TMEM132B: variants seen among roughly 807,000 people sequenced by gnomAD.
TMEM132B encodes the protein transmembrane protein 132B.
TMEM132B carries 18 observed loss-of-function variants against 90.8 expected under a neutral mutation model. The observed-to-expected ratio is 0.20, with a 90% confidence interval of 0.14 to 0.29. The LOEUF (loss-of-function observed/expected upper bound fraction) is 0.29. TMEM132B is among the 10% of genes least tolerant of loss of function. TMEM132B has a pLI of 1.00. For missense variants in TMEM132B, 1,096 were observed against 1,326.8 expected (o/e 0.83, Z 2.70); for synonymous variants, 504 against 523.3 (o/e 0.96, Z 0.50).
rs3858693 is a variant in TMEM132B at position 125,377,487 on chromosome 12, G to A, written c.959+27144G>A. 8.1e-3 allele frequency among the ~76,000 whole-genome samples: 1,230 copies of A among 152,270 alleles called. 24 individuals carry two copies. The highest frequency in any genetic ancestry group is 0.028 in the African/African-American group (1,173 of 41,540). On this transcript the variant is annotated intron_variant, in intron 2 of 8. Transcript: ENST00000682704. The stretch of plus-strand genomic sequence containing the variant: ...ATCTTGGACACTTCTCATGCATGTC[G>A]TGTGCCTCAGTACCCCCTGCTATAA...
Position 125,644,174 on chromosome 12 carries a change from G to T in TMEM132B, c.1536G>T (p.Gln512His). ...TCACCCACCAGCACTTCACCTCCCA[G>T]TTCGAGGTCACTGTCTGGGCACCCA... ...VNFTHQHFTS[Q>H]FEVTVWAPRL... The change falls in exon 6 of 9, where the codon CAG (glutamine) becomes CAT (histidine). Residue 512 changes from glutamine (Q) to histidine (H), a missense_variant. By Grantham distance (24) the Gln-to-His change is conservative (BLOSUM62 0). Coordinates refer to ENST00000682704, the MANE Select transcript of TMEM132B (RefSeq NM_001366854.1). 6.2e-7 allele frequency: 1 copy of T among 1,614,220 alleles called. No individual in the cohort carries two copies. The highest frequency in any genetic ancestry group is 2.2e-5 in the East Asian group (1 of 44,876).
intron 2 of TMEM132B, 29 bp downstream of exon 2, chr12:125,350,372 C>T (rs1877528623): frequency 6.3e-7 from 1 of 1,576,098 alleles, no homozygotes; most frequent in East Asian, 2.2e-5. Flanking sequence ...TGGGATGGAA[C>T]AGAAGCCAAC....
At chr12:125,437,071 G>A (rs1984673) in intron 3 of TMEM132B, among the ~76,000 whole-genome samples, 82,456 of 152,008 alleles carry the variant, frequency 0.54, 24,051 homozygotes, top group African/African-American at 0.77. Flanking sequence ...ATTTGGCTAT[G>A]AGCTTCTACA....
chr12:125,306,405 C>G (rs1050954518), intron 1 of TMEM132B, among the ~76,000 whole-genome samples: 3 of 152,194 alleles, frequency 2.0e-5, no homozygotes, highest in African/African-American at 7.2e-5. Flanking sequence ...GTCTACATGA[C>G]ATCTCTACCT....
At chr12:125,188,239 A>G (rs1469931666) in intron 1 of TMEM132B, among the ~76,000 whole-genome samples, 1 of 152,188 alleles carries the variant, frequency 6.6e-6, no homozygotes, top group African/African-American at 2.4e-5. Flanking sequence ...CTTAACGTGG[A>G]TGAATCTTGC....
intron 2 of TMEM132B, among the ~76,000 whole-genome samples, chr12:125,374,432 G>GTT (rs11394719): frequency 0.049 from 7,360 of 151,096 alleles, 555 homozygotes; most frequent in African/African-American, 0.16. Flanking sequence ...CCACAAACAT[G>GTT]TTTTTTTTTG....
At chr12:125,618,386 A>G (rs1280209552) in intron 5 of TMEM132B, among the ~76,000 whole-genome samples, 2 of 152,308 alleles carry the variant, frequency 1.3e-5, no homozygotes, top group Admixed American at 6.5e-5. Flanking sequence ...ACATGGAGCT[A>G]GAGTGGAGAT....
intron 1 of TMEM132B, among the ~76,000 whole-genome samples, chr12:125,267,634 A>C (rs755527015): frequency 2.6e-5 from 4 of 152,124 alleles, no homozygotes; most frequent in Non-Finnish European, 5.9e-5. Context: ...AGGTAACTGA[A>C]ACTCGCACTC....
chr12:125,551,865 T>C (rs1884237591), intron 4 of TMEM132B, among the ~76,000 whole-genome samples: 1 of 152,168 alleles, frequency 6.6e-6, no homozygotes, highest in Admixed American at 6.5e-5. Flanking sequence ...TGGCACATTG[T>C]TTTCATGGTC....
intron 4 of TMEM132B, among the ~76,000 whole-genome samples, chr12:125,533,824 C>T (rs984661028): frequency 1.1e-4 from 17 of 152,240 alleles, no homozygotes; most frequent in African/African-American, 4.1e-4. Flanking sequence ...AGCCCGTGAC[C>T]CCTGGCACCT....
At chr12:125,230,745 C>T (rs990585826) in intron 1 of TMEM132B, among the ~76,000 whole-genome samples, 9 of 151,622 alleles carry the variant, frequency 5.9e-5, no homozygotes, top group Admixed American at 5.9e-4. Flanking sequence ...ACCTCATGAT[C>T]CGCCCGCCTC....
At chr12:125,197,715 T>C (rs1364657174) in intron 1 of TMEM132B, among the ~76,000 whole-genome samples, 1 of 152,246 alleles carries the variant, frequency 6.6e-6, no homozygotes, top group African/African-American at 2.4e-5. Flanking sequence ...GGGAATGCTC[T>C]GTGAATGTAT....
chr12:125,358,624 T>C (rs1181024208), intron 2 of TMEM132B, among the ~76,000 whole-genome samples: 1 of 152,174 alleles, frequency 6.6e-6, no homozygotes. Context: ...TTTCTCATGA[T>C]TGGATTGAGG....
At chr12:125,515,704 C>G (rs935486645) in intron 3 of TMEM132B, among the ~76,000 whole-genome samples, 56 of 151,702 alleles carry the variant, frequency 3.7e-4, no homozygotes, top group African/African-American at 1.3e-3. Flanking sequence ...CACACTCACA[C>G]AACACATTCA....
chr12:125,261,103 T>C (rs1874558125), intron 1 of TMEM132B, among the ~76,000 whole-genome samples: 1 of 152,218 alleles, frequency 6.6e-6, no homozygotes, highest in South Asian at 2.1e-4. Context: ...TCCAGTGCAA[T>C]GAAACTTGCA....
intron 5 of TMEM132B, among the ~76,000 whole-genome samples, chr12:125,623,785 T>A (rs757890472): frequency 3.3e-5 from 5 of 152,172 alleles, no homozygotes; most frequent in South Asian, 2.1e-4. Flanking sequence ...GTCCCCAGAG[T>A]CCTGCTCAGA....
At chr12:125,649,023 G>C (rs1255583511) in intron 6 of TMEM132B, among the ~76,000 whole-genome samples, 2 of 152,044 alleles carry the variant, frequency 1.3e-5, no homozygotes, top group African/African-American at 2.4e-5. Flanking sequence ...AAAATAAAAT[G>C]GGAATAACTT....
intron 1 of TMEM132B, among the ~76,000 whole-genome samples, chr12:125,275,640 G>A (rs576454731): frequency 5.9e-5 from 9 of 152,314 alleles, no homozygotes; most frequent in African/African-American, 2.2e-4. Context: ...CAGATGGTAA[G>A]TTGACTATGT....
chr12:125,572,579 GA>G (rs1884826764), intron 4 of TMEM132B, among the ~76,000 whole-genome samples: 2 of 152,176 alleles, frequency 1.3e-5, no homozygotes, highest in Non-Finnish European at 2.9e-5. Context: ...GCACAAAATG[GA>G]CCAAGACAGG....
Sources: gnomAD v4.1 joint callset for allele counts (sites outside exome capture counted in the v4.1 genomes callset) on GRCh38, gnomAD v4.1.1 for gene constraint, MANE v1.5 for transcripts, NCBI Gene and HGNC (gene_info 2026-07-23, HGNC 2026-07-21) for gene names.